TIFAB: variants seen among roughly 807,000 people sequenced by gnomAD.
TIFAB encodes the protein TRAF-interacting protein with FHA domain-containing protein B.
For synonymous variants in TIFAB, 116 were observed against 95.2 expected, an observed-to-expected ratio of 1.22 and a Z score of -1.27; for missense variants, 222 against 203.6, an observed-to-expected ratio of 1.09 and a Z score of -0.55.
rs748670770 is a variant in TIFAB, at chr5:135,449,785, C to T, written c.155G>A (p.Arg52His). The T allele has an allele frequency of 3.2e-5, 52 of 1,611,088 alleles. No individual in the cohort carries two copies. The highest frequency in any genetic ancestry group is 1.7e-4 in the Middle Eastern group (1 of 6,056). ...QDAHLQLQLP[R>H]LSRRHLSLEP... ...CAGGGACAGGTGACGGCGGGAGAGG[C>T]GAGGGAGCTGCAGCTGGAGGTGGGC... The change falls in exon 2 of 2, where the codon CGC (arginine) becomes CAC (histidine). Residue 52 changes from arginine (R) to histidine (H), a missense_variant. Transcript: ENST00000537858.
intron 1 of TIFAB, among the ~76,000 whole-genome samples, chr5:135,451,768 G>A (rs1377661151): frequency 6.6e-6 from 1 of 152,228 alleles, no homozygotes; most frequent in Non-Finnish European, 1.5e-5. Context: ...ACAGGCGTAA[G>A]CCACCACGCC....
rs761174128 is a variant in TIFAB at position 135,447,067 on chromosome 5, G to C, written c.*2387C>G. On this transcript the variant is annotated 3_prime_UTR_variant, in exon 2 of 2. Coordinates refer to ENST00000537858, the MANE Select transcript of TIFAB (RefSeq NM_001099221.2). ...GTCCAGGTACAGTCTCCAGGCCGTG[G>C]CTTCTCGAGTTCTGTATGTGGGTTG... is the stretch of plus-strand genomic sequence containing the variant. 6.2e-7 allele frequency: 1 copy of C among 1,614,026 alleles called. No homozygotes were observed. Among genetic ancestry groups the C allele is most frequent in the Admixed American group, 1.7e-5 (1 of 60,026 alleles).
chr5:135,447,104 T>G lies in TIFAB; in HGVS notation c.*2350A>C, dbSNP rs1769283765. ...CTGTATGTGGGTTGCTGCTCCGTAA[T>G]GCATAGTTGGGGGACCATTTTGGTC... On this transcript the variant is annotated 3_prime_UTR_variant, in exon 2 of 2. Transcript: ENST00000537858. The G allele has an allele frequency of 6.2e-7, 1 of 1,613,930 alleles. No individual in the cohort carries two copies. The highest frequency in any genetic ancestry group is 8.5e-7 in the Non-Finnish European group (1 of 1,179,920).
rs1325894468 is a variant in TIFAB, at chr5:135,446,910, G to T, written c.*2544C>A. 1 of 1,611,052 alleles carries T rather than the reference G, an allele frequency of 6.2e-7. No individual in the cohort carries two copies. Among genetic ancestry groups the T allele is most frequent in the African/African-American group, 1.3e-5 (1 of 74,886 alleles). On this transcript the variant is annotated 3_prime_UTR_variant, in exon 2 of 2. Transcript: ENST00000537858. ...GTTTTGTTCCTCCCTGGAGGGTAGA[G>T]ACCCTCACTGAGGCCCTGGAGAGGG...
Position 135,447,421 on chromosome 5 carries a change from G to A in TIFAB, c.*2033C>T, listed in dbSNP as rs1295146878. On this transcript the variant is annotated 3_prime_UTR_variant, in exon 2 of 2. Coordinates refer to ENST00000537858, the MANE Select transcript of TIFAB (RefSeq NM_001099221.2). ...TGAGCCCTCCTCTCTCAGGTCTCAT[G>A]ATAGTAGCTAACCCTTATTAAGTGT... 2.3e-6 allele frequency: 1 copy of A among 434,312 alleles called. No homozygotes were observed. The highest frequency in any genetic ancestry group is 4.2e-6 in the Non-Finnish European group (1 of 238,762). The allele number at this position is 434,312 out of a possible 1,614,324, so 26.9% of individuals were successfully genotyped here. A position where few individuals can be genotyped will look rare whatever the true frequency, so the allele number is the denominator to read the frequency against.
At chr5:135,451,458 A>G (rs1769360921) in intron 1 of TIFAB, among the ~76,000 whole-genome samples, 1 of 151,332 alleles carries the variant, frequency 6.6e-6, no homozygotes, top group Non-Finnish European at 1.5e-5. Context: ...ATCTGGCCAT[A>G]GTCTGCCGAA....
In TIFAB at chr5:135,444,717, G is replaced by C. The variant is rs551268115; in HGVS notation, c.*4737C>G. The C allele has an allele frequency of 1.6e-3, 240 of 152,418 alleles. 6 individuals are homozygous for C. The highest frequency in any genetic ancestry group is 4.1e-4 in the South Asian group (2 of 4,834). 9.4% of individuals were successfully genotyped at this position (152,418 alleles called of 1,614,324 possible). Reference sequence around the variant, plus strand: ...CGGTTGTGGAAAGAATCGGTTCTCAGTTCCCATTCCAGCTCTGCTATTTAG... The same window carrying C: ...CGGTTGTGGAAAGAATCGGTTCTCACTTCCCATTCCAGCTCTGCTATTTAG... On this transcript the variant is annotated 3_prime_UTR_variant, in exon 2 of 2. Coordinates refer to ENST00000537858, the MANE Select transcript of TIFAB (RefSeq NM_001099221.2).
rs748377014 is a variant in TIFAB at position 135,446,965 on chromosome 5, G to A, written c.*2489C>T. The A allele has an allele frequency of 1.5e-5, 24 of 1,613,046 alleles. No individual in the cohort carries two copies. In the East Asian group the frequency reaches 5.4e-4, roughly 36 times the overall value. On this transcript the variant is annotated 3_prime_UTR_variant, in exon 2 of 2. Transcript: ENST00000537858. ...TCAGGGGCAGCAGCTCATTCCCAAA[G>A]TTCTCTGGTGGAGCTGGGGAGTGGC...
At position 135,446,582 on chromosome 5, in the gene TIFAB, T is replaced by C. The variant is rs1283420078; in HGVS notation, c.*2872A>G. The C allele has an allele frequency of 6.2e-7, 1 of 1,614,006 alleles. No homozygotes were observed. The highest frequency in any genetic ancestry group is 1.1e-5 in the South Asian group (1 of 91,074). ...CCATGGATCTGATGATTTCAGTGATTTTCTACTCAAGAAAAATGAAGTCTC... is the reference window on the plus strand; with the variant it reads ...CCATGGATCTGATGATTTCAGTGATCTTCTACTCAAGAAAAATGAAGTCTC... On this transcript the variant is annotated 3_prime_UTR_variant, in exon 2 of 2. Coordinates refer to ENST00000537858, the MANE Select transcript of TIFAB (RefSeq NM_001099221.2).
rs1769216580 is a variant in TIFAB, at chr5:135,444,415, G to A, written c.*5039C>T. 1.3e-5 allele frequency: 2 copies of A among 152,288 alleles called. No individual in the cohort carries two copies. Among genetic ancestry groups the A allele is most frequent in the Admixed American group, 1.3e-4 (2 of 15,290 alleles). 9.4% of individuals were successfully genotyped at this position (152,288 alleles called of 1,614,324 possible). On this transcript the variant is annotated 3_prime_UTR_variant, in exon 2 of 2. Transcript: ENST00000537858. ...GTGTCCGGTGAACGGCTGCAATGCAGGTTAGGCTGCCACCATGAGGGAAGC... is the reference window on the plus strand; with the variant it reads ...GTGTCCGGTGAACGGCTGCAATGCAAGTTAGGCTGCCACCATGAGGGAAGC...
chr5:135,446,033 T>A lies in TIFAB; in HGVS notation c.*3421A>T. ...GACTGGGTCCATGTGCCTACATGCA[T>A]TCAGTTCCTCCCACCAAACTGGACA... On this transcript the variant is annotated 3_prime_UTR_variant, in exon 2 of 2. Coordinates refer to ENST00000537858, the MANE Select transcript of TIFAB (RefSeq NM_001099221.2). 1 of 209,236 alleles carries A rather than the reference T, an allele frequency of 4.8e-6. No homozygotes were observed. Among genetic ancestry groups the A allele is most frequent in the South Asian group, 1.0e-4 (1 of 9,610 alleles). The allele number at this position is 209,236 out of a possible 1,614,324, so 13.0% of individuals were successfully genotyped here. A position where few individuals can be genotyped will look rare whatever the true frequency, so the allele number is the denominator to read the frequency against.
At position 135,446,872 on chromosome 5, in the gene TIFAB, C is replaced by G. The variant is rs780304441; in HGVS notation, c.*2582G>C. ...ATTGAACTGCCCCCTCTCGCAGGAC[C>G]CCAGCTGGCAAGGTTTTGTTCCTCC... On this transcript the variant is annotated 3_prime_UTR_variant, in exon 2 of 2. Transcript: ENST00000537858. 1.2e-6 allele frequency: 2 copies of G among 1,613,840 alleles called. No homozygotes were observed. The highest frequency in any genetic ancestry group is 2.2e-5 in the East Asian group (1 of 44,870).
Position 135,446,596 on chromosome 5 carries a change from A to T in TIFAB, c.*2858T>A, listed in dbSNP as rs769255126. On this transcript the variant is annotated 3_prime_UTR_variant, in exon 2 of 2. Transcript: ENST00000537858. ...ATTTCAGTGATTTTCTACTCAAGAA[A>T]AATGAAGTCTCGGATGGGCAGAGCT... 7 of 1,614,040 alleles carry T rather than the reference A, an allele frequency of 4.3e-6. No individual in the cohort carries two copies. The South Asian group carries it at 7.7e-5, about 18-fold the overall frequency.
chr5:135,445,983 G>A lies in TIFAB; in HGVS notation c.*3471C>T, dbSNP rs150331492. 1.2e-5 allele frequency: 2 copies of A among 168,426 alleles called. No homozygotes were observed. The highest frequency in any genetic ancestry group is 2.6e-5 in the Non-Finnish European group (2 of 78,086). 10.4% of individuals were successfully genotyped at this position (168,426 alleles called of 1,614,324 possible). A position where few individuals can be genotyped will look rare whatever the true frequency, so the allele number is the denominator to read the frequency against. Reference sequence around the variant, plus strand: ...TGGGGTATGCCTGAATGTAACTAATGTAGCTCCTTTTGTGCCTGAGTGTAG... The same window carrying A: ...TGGGGTATGCCTGAATGTAACTAATATAGCTCCTTTTGTGCCTGAGTGTAG... On this transcript the variant is annotated 3_prime_UTR_variant, in exon 2 of 2. Coordinates refer to ENST00000537858, the MANE Select transcript of TIFAB (RefSeq NM_001099221.2).
rs1769289783 is a variant in TIFAB at position 135,447,322 on chromosome 5, A to G, written c.*2132T>C. 6.4e-6 allele frequency: 4 copies of G among 627,084 alleles called. No homozygotes were observed. The highest frequency in any genetic ancestry group is 8.5e-6 in the Non-Finnish European group (3 of 352,738). The allele number at this position is 627,084 out of a possible 1,614,324, so 38.8% of individuals were successfully genotyped here. A position where few individuals can be genotyped will look rare whatever the true frequency, so the allele number is the denominator to read the frequency against. On this transcript the variant is annotated 3_prime_UTR_variant, in exon 2 of 2. Coordinates refer to ENST00000537858, the MANE Select transcript of TIFAB (RefSeq NM_001099221.2). ...ACTAAATCCCTAGTTGGGGAATCAC[A>G]GAGCACAGGTAAGCCCTTGGGTTCT...
At position 135,447,265 on chromosome 5, in the gene TIFAB, C is replaced by T. The variant is rs1413155469; in HGVS notation, c.*2189G>A. 1 of 870,562 alleles carries T rather than the reference C, an allele frequency of 1.1e-6. No individual in the cohort carries two copies. Among genetic ancestry groups the T allele is most frequent in the East Asian group, 2.7e-5 (1 of 37,574 alleles). The allele number at this position is 870,562 out of a possible 1,614,324, so 53.9% of individuals were successfully genotyped here. On this transcript the variant is annotated 3_prime_UTR_variant, in exon 2 of 2. Transcript: ENST00000537858. ...TGATGCAAGGAGCAGATTAAAATCCCCTCCCTGTTGCCTACCAGGTCCGTG... is the reference window on the plus strand; with the variant it reads ...TGATGCAAGGAGCAGATTAAAATCCTCTCCCTGTTGCCTACCAGGTCCGTG...
At position 135,449,804 on chromosome 5, in the gene TIFAB, G is replaced by A. The variant is rs1323161010; in HGVS notation, c.136C>T (p.Leu46Phe). The A allele has an allele frequency of 1.9e-6, 3 of 1,610,438 alleles. No individual in the cohort carries two copies. The highest frequency in any genetic ancestry group is 1.1e-5 in the South Asian group (1 of 90,992). Reference sequence around the variant, plus strand: ...GAGAGGCGAGGGAGCTGCAGCTGGAGGTGGGCGTCCTGCCCCCGTCCGAGA... The same window carrying A: ...GAGAGGCGAGGGAGCTGCAGCTGGAAGTGGGCGTCCTGCCCCCGTCCGAGA... Reference protein sequence around the residue: ...LLLGRGQDAHLQLQLPRLSRR... With the variant: ...LLLGRGQDAHFQLQLPRLSRR... The change falls in exon 2 of 2, where the codon CTC becomes TTC. Residue 46 changes from leucine to phenylalanine, a missense_variant. Physicochemically the swap from Leu to Phe is conservative, Grantham distance 22. Transcript: ENST00000537858.
chr5:135,449,906 G>A lies in TIFAB; in HGVS notation c.34C>T (p.Leu12=), dbSNP rs753530136. 15 of 1,533,482 alleles carry A rather than the reference G, an allele frequency of 9.8e-6. No individual in the cohort carries two copies. The African/African-American group carries it at 2.1e-4, about 21-fold the overall frequency. 95.0% of individuals were successfully genotyped at this position (1,533,482 alleles called of 1,614,324 possible). ...GATGGGCCCAGCGTGGGATGGTACA[G>A]GCTCACTCGCAGGACGGTGAGGGGC... is the stretch of plus-strand genomic sequence containing the variant. ...EKPLTVLRVS[L]YHPTLGPSAF... is the part of the protein sequence containing the mutation. Residue 12 remains leucine (L), a synonymous_variant, in exon 2 of 2, where the codon CTG becomes TTG. Coordinates refer to ENST00000537858, the MANE Select transcript of TIFAB (RefSeq NM_001099221.2).
In TIFAB at chr5:135,448,525, A is replaced by C. The variant is rs573918736; in HGVS notation, c.*929T>G. On this transcript the variant is annotated 3_prime_UTR_variant, in exon 2 of 2. Transcript: ENST00000537858. Reference sequence around the variant, plus strand: ...TGGTGTGTGACTCACCCTGAGCGAAATAACTGCTGGGCTGAGTTCTTACAC... The same window carrying C: ...TGGTGTGTGACTCACCCTGAGCGAACTAACTGCTGGGCTGAGTTCTTACAC... 1 of 151,912 alleles carries C rather than the reference A, an allele frequency of 6.6e-6. No homozygotes were observed. The highest frequency in any genetic ancestry group is 1.9e-4 in the East Asian group (1 of 5,144). The allele number at this position is 151,912 out of a possible 1,614,324, so 9.4% of individuals were successfully genotyped here. A position where few individuals can be genotyped will look rare whatever the true frequency, so the allele number is the denominator to read the frequency against.
Sources: allele counts gnomAD v4.1 joint callset (sites outside exome capture counted in the v4.1 genomes callset), GRCh38; gene constraint gnomAD v4.1.1; transcripts MANE v1.5; gene names NCBI Gene and HGNC (gene_info 2026-07-23, HGNC 2026-07-21).